The following GSDME variants were observed in gnomAD, a reference collection of about 807,000 sequenced individuals.
The protein encoded by GSDME is gasdermin-E.
In GSDME, 44 loss-of-function variants were observed where a neutral mutation model predicts 47.5. The observed-to-expected ratio is 0.93, with a 90% CI of 0.73 to 1.19. The LOEUF (loss-of-function observed/expected upper bound fraction) is 1.19, where lower values mean the gene tolerates loss of function less well. GSDME is among the 50% of genes most tolerant of loss of function. GSDME has a pLI of 0.00. For synonymous variants in GSDME, 258 were observed against 252.8 expected (o/e 1.02, Z -0.20); for missense variants, 663 against 604.2 (o/e 1.10, Z -1.02).
In GSDME at chr7:24,725,579, C is replaced by T. The variant is rs753342957; in HGVS notation, c.405-6361G>A. ...AAGGGCTCACAACTCTAAGGGGGTG[C>T]GCATGAGAGGGTCGTGATCGATTGA... is the stretch of plus-strand genomic sequence containing the variant. On this transcript the variant is annotated intron_variant, in intron 3 of 9. Coordinates refer to ENST00000645220, the MANE Select transcript of GSDME (RefSeq NM_001127453.2). This position sits in a 1 kb window ranked among gnomAD's most constrained non-coding sequence, Gnocchi z 5.1. Among the ~76,000 whole-genome samples, 6 of 152,100 alleles carry T rather than the reference C, an allele frequency of 3.9e-5. No individual in the cohort carries two copies. The highest frequency in any genetic ancestry group is 1.3e-4 in the Admixed American group (2 of 15,276).
At chr7:24,706,110 C>T (rs1789088753) in intron 8 of GSDME, 74 bp downstream of exon 8, 2 of 1,557,210 alleles carry the variant, frequency 1.3e-6, no homozygotes, top group South Asian at 2.3e-5. Flanking sequence ...CCTCTGTGTC[C>T]CCAGAAGCAT....
chr7:24,787,320 A>G, the GSDME span, among the ~76,000 whole-genome samples: 397 of 152,338 alleles, frequency 2.6e-3, 2 homozygotes, highest in African/African-American at 9.3e-3. This position sits in a 1 kb window ranked among gnomAD's most constrained non-coding sequence, Gnocchi z 5.0. Flanking sequence ...GCAATAAATG[A>G]AACTCAATGA....
chr7:24,708,163 T>C lies in GSDME; in HGVS notation c.954A>G (p.Leu318=), dbSNP rs1789194355. The stretch of plus-strand genomic sequence containing the variant: ...GGACCATGAGTAGTTCATCATCAAA[T>C]AGGACCGCCTGGAAGATGTCACTCA... ...TALSDIFQAV[L]FDDELLMVLE... is the part of the protein sequence containing the mutation. The change falls in exon 7 of 10, where the codon CTA becomes CTG. Residue 318 remains leucine, a synonymous_variant. Coordinates refer to ENST00000645220, the MANE Select transcript of GSDME (RefSeq NM_001127453.2). 1 of 1,614,014 alleles carries C rather than the reference T, an allele frequency of 6.2e-7. No homozygotes were observed. The highest frequency in any genetic ancestry group is 1.1e-5 in the South Asian group (1 of 91,084).
In GSDME at chr7:24,754,877, C is replaced by G. The variant is rs1041635087; in HGVS notation, c.-20+2519G>C. Reference sequence around the variant, plus strand: ...TTCTTAAAAGCAGCTCTGGTTGAACCCTGGGCCTCTGCCTGAAGAGTTCTA... The same window carrying G: ...TTCTTAAAAGCAGCTCTGGTTGAACGCTGGGCCTCTGCCTGAAGAGTTCTA... On this transcript the variant is annotated intron_variant, in intron 1 of 9. Coordinates refer to ENST00000645220, the MANE Select transcript of GSDME (RefSeq NM_001127453.2). The surrounding 1 kb of genome is among the most constrained non-coding windows in gnomAD (Gnocchi z 5.0). Among the ~76,000 whole-genome samples the G allele has an allele frequency of 2.0e-5, 3 of 152,198 alleles. No homozygotes were observed. Among genetic ancestry groups the G allele is most frequent in the African/African-American group, 7.2e-5 (3 of 41,450 alleles).
chr7:24,784,293 G>C, the GSDME span, among the ~76,000 whole-genome samples: 1 of 152,090 alleles, frequency 6.6e-6, no homozygotes, highest in Non-Finnish European at 1.5e-5. Flanking sequence ...ATATATAAAG[G>C]GGAGTTTACT....
Position 24,756,798 on chromosome 7 carries a change from T to A in GSDME, c.-20+598A>T, listed in dbSNP as rs1487053616. Among the ~76,000 whole-genome samples the A allele has an allele frequency of 3.3e-5, 5 of 152,118 alleles. No individual in the cohort carries two copies. Among genetic ancestry groups the A allele is most frequent in the Admixed American group, 3.3e-4 (5 of 15,276 alleles). The stretch of plus-strand genomic sequence containing the variant: ...CAAAGGAAGCCACGCGGGCAGCTCT[T>A]GAGAGCCATTCCAGCGCATGCCAGG... On this transcript the variant is annotated intron_variant, in intron 1 of 9. Transcript: ENST00000645220. The surrounding 1 kb of genome is among the most constrained non-coding windows in gnomAD (Gnocchi z 4.2).
the GSDME span, among the ~76,000 whole-genome samples, chr7:24,789,536 A>G: frequency 1.4e-4 from 22 of 152,228 alleles, no homozygotes; most frequent in Non-Finnish European, 1.8e-4. Context: ...AGAACAGGAC[A>G]GGGATTTTCA....
the GSDME span, among the ~76,000 whole-genome samples, chr7:24,784,184 A>T: frequency 2.0e-5 from 3 of 152,166 alleles, no homozygotes; most frequent in Non-Finnish European, 4.4e-5. Flanking sequence ...ACTTTCTTCT[A>T]TGATGGCTTG....
In GSDME at chr7:24,725,727, T is replaced by G. The variant is rs1373524635; in HGVS notation, c.405-6509A>C. Among the ~76,000 whole-genome samples, 2 of 152,160 alleles carry G rather than the reference T, an allele frequency of 1.3e-5. No homozygotes were observed. The highest frequency in any genetic ancestry group is 2.9e-5 in the Non-Finnish European group (2 of 68,018). ...TGTAATGTATAGATAACATAACTGA[T>G]TAGGTCAGGGGTCAATCTTTAACGA... On this transcript the variant is annotated intron_variant, in intron 3 of 9. Transcript: ENST00000645220. The surrounding 1 kb of genome is among the most constrained non-coding windows in gnomAD (Gnocchi z 5.1).
intron 3 of GSDME, among the ~76,000 whole-genome samples, chr7:24,731,607 ATT>A (rs1334620431): frequency 2.0e-5 from 3 of 152,226 alleles, no homozygotes; most frequent in African/African-American, 7.2e-5. Flanking sequence ...CGCTTGCCAG[ATT>A]TGCTAGGCAG....
In GSDME at chr7:24,705,410, T is replaced by G. The variant is rs1342252408; in HGVS notation, c.1183+774A>C. The G allele has an allele frequency of 6.5e-6, 1 of 152,704 alleles. No individual in the cohort carries two copies. The highest frequency in any genetic ancestry group is 1.5e-5 in the Non-Finnish European group (1 of 68,422). 9.5% of individuals were successfully genotyped at this position (152,704 alleles called of 1,614,324 possible). On this transcript the variant is annotated intron_variant, in intron 8 of 9. Transcript: ENST00000645220. The surrounding 1 kb of genome is among the most constrained non-coding windows in gnomAD (Gnocchi z 4.1). ...AAAACTGAAGATTACTGGGTCTGTT[T>G]CTGTGTGGTGCTAGGGAGGAACCCT... is the stretch of plus-strand genomic sequence containing the variant.
intron 1 of GSDME, among the ~76,000 whole-genome samples, chr7:24,753,260 G>A (rs961218887): frequency 1.3e-5 from 2 of 152,140 alleles, no homozygotes; most frequent in African/African-American, 4.8e-5. Context: ...CCAGGCCCCA[G>A]CAACCCTTTC....
intron 3 of GSDME, among the ~76,000 whole-genome samples, chr7:24,720,917 A>C (rs958550529): frequency 2.0e-5 from 3 of 152,214 alleles, no homozygotes; most frequent in African/African-American, 7.2e-5. Context: ...CAAAAAAAAA[A>C]AAAAAGAAGT....
At chr7:24,710,477 C>G in intron 5 of GSDME, 89 bp from the exon 6 acceptor site, 1 of 1,282,540 alleles carries the variant, frequency 7.8e-7, no homozygotes, top group Non-Finnish European at 1.1e-6. Flanking sequence ...GCCTTGATGG[C>G]ACATCTTAGA....
chr7:24,754,177 C>T lies in GSDME; in HGVS notation c.-20+3219G>A, dbSNP rs954251263. Among the ~76,000 whole-genome samples the T allele has an allele frequency of 1.3e-5, 2 of 152,168 alleles. No individual in the cohort carries two copies. Among genetic ancestry groups the T allele is most frequent in the African/African-American group, 4.8e-5 (2 of 41,436 alleles). On this transcript the variant is annotated intron_variant, in intron 1 of 9. Coordinates refer to ENST00000645220, the MANE Select transcript of GSDME (RefSeq NM_001127453.2). This position sits in a 1 kb window ranked among gnomAD's most constrained non-coding sequence, Gnocchi z 5.0. ...AGTTGTTACATAGATCACGGACTCT[C>T]GCACAGAGCCTTAAAAGTTATATTA...
the GSDME span, among the ~76,000 whole-genome samples, chr7:24,784,967 C>T: frequency 6.6e-6 from 1 of 152,188 alleles, no homozygotes; most frequent in African/African-American, 2.4e-5. Flanking sequence ...CCTCTGGCAA[C>T]ACCCTCATAG....
intron 7 of GSDME, among the ~76,000 whole-genome samples, chr7:24,706,784 A>C (rs917702310): frequency 2.0e-5 from 3 of 152,222 alleles, no homozygotes; most frequent in Non-Finnish European, 4.4e-5. Context: ...GGGCAGCTGC[A>C]TCTGTCCCCA....
At chr7:24,710,933 C>G (rs1183069460) in intron 5 of GSDME, among the ~76,000 whole-genome samples, 2 of 152,124 alleles carry the variant, frequency 1.3e-5, no homozygotes, top group Non-Finnish European at 2.9e-5. Flanking sequence ...TGAAAAATGG[C>G]AAACACAAAA....
the GSDME span, among the ~76,000 whole-genome samples, chr7:24,770,572 T>C: frequency 2.0e-5 from 3 of 151,564 alleles, no homozygotes; most frequent in African/African-American, 7.3e-5. The surrounding 1 kb of genome is among the most constrained non-coding windows in gnomAD (Gnocchi z 4.6). Context: ...ACTCTGGGAG[T>C]TGATTTCAGA....
Sources: gnomAD v4.1 joint callset for allele counts (sites outside exome capture counted in the v4.1 genomes callset) on GRCh38, gnomAD v4.1.1 for gene constraint, Gnocchi (gnomAD v3.1) non-coding constraint, MANE v1.5 for transcripts, NCBI Gene and HGNC (gene_info 2026-07-23, HGNC 2026-07-21) for gene names.